The following PPP2R5C variants were observed in gnomAD, a reference collection of about 807,000 sequenced individuals.
PPP2R5C encodes serine/threonine-protein phosphatase 2A 56 kDa regulatory subunit gamma isoform.
Under a neutral mutation model 68.9 loss-of-function variants are expected in PPP2R5C, and 7 were observed. The ratio of observed to expected loss-of-function variants is 0.10; its 90% CI spans 0.06 to 0.19. The LOEUF (loss-of-function observed/expected upper bound fraction) is 0.19. Ranked by LOEUF, PPP2R5C falls within the 10% of genes least tolerant of loss-of-function variation. The pLI is 1.00. For synonymous variants in PPP2R5C, 210 were observed against 222.2 expected, an observed-to-expected ratio of 0.95 and a Z score of 0.49; for missense variants, 348 against 641.3, an observed-to-expected ratio of 0.54 and a Z score of 4.94.
At chr14:101,775,377 A>T (rs552473193) in intron 2 of PPP2R5C, among the ~76,000 whole-genome samples, 1 of 152,266 alleles carries the variant, frequency 6.6e-6, no homozygotes, top group East Asian at 1.9e-4. Context: ...GTTTCCATGA[A>T]ATATTTCAAA....
Position 101,882,121 on chromosome 14 carries a change from T to A in PPP2R5C, c.295-40T>A. ...TATAAAATGTTGTCTGTAAATATTT[T>A]AAATGCCCTGATTGTAATTATAGAA... is the stretch of plus-strand genomic sequence containing the variant. On this transcript the variant is annotated intron_variant, in intron 2 of 13. Transcript: ENST00000334743. This position sits in a 1 kb window ranked among gnomAD's most constrained non-coding sequence, Gnocchi z 4.9. 7 of 1,462,006 alleles carry A rather than the reference T, an allele frequency of 4.8e-6. No individual in the cohort carries two copies. The highest frequency in any genetic ancestry group is 6.5e-6 in the Non-Finnish European group (7 of 1,075,314). 90.6% of individuals were successfully genotyped at this position (1,462,006 alleles called of 1,614,324 possible). A position where few individuals can be genotyped will look rare whatever the true frequency, so the allele number is the denominator to read the frequency against.
At chr14:101,922,238 C>T in intron 13 of PPP2R5C, 1 of 969,580 alleles carries the variant, frequency 1.0e-6, no homozygotes, top group Non-Finnish European at 1.2e-6. Context: ...CCTGTAATCC[C>T]AGCACTTTGG....
Position 101,917,678 on chromosome 14 carries a change from T to G in PPP2R5C, c.1327-153T>G. 1.1e-6 allele frequency: 1 copy of G among 929,722 alleles called. No homozygotes were observed. The highest frequency in any genetic ancestry group is 1.6e-6 in the Non-Finnish European group (1 of 622,648). 57.6% of individuals were successfully genotyped at this position (929,722 alleles called of 1,614,324 possible). A position where few individuals can be genotyped will look rare whatever the true frequency, so the allele number is the denominator to read the frequency against. ...GTTTCAGAAGTCAGCAGCCGCATCA[T>G]GTTGCAGGTGTAGGCGAGTCTCCCA... On this transcript the variant is annotated intron_variant, in intron 12 of 13. Coordinates refer to ENST00000334743, the Ensembl canonical transcript of PPP2R5C. The surrounding 1 kb of genome is among the most constrained non-coding windows in gnomAD (Gnocchi z 4.4).
At chr14:101,791,554 G>A (rs1251629308) in intron 3 of PPP2R5C, among the ~76,000 whole-genome samples, 7 of 152,022 alleles carry the variant, frequency 4.6e-5, no homozygotes, top group South Asian at 2.1e-4. Context: ...AAGTTGATAC[G>A]AAAGTTTTGA....
In PPP2R5C at chr14:101,819,209, TC is replaced by T. The variant is rs67328576; in HGVS notation, c.94+9174del. The stretch of plus-strand genomic sequence containing the variant: ...AGCTTTATGTAATTGGTCAGACTTC[TC>T]AAAGGGGGGTAGCACTTGATAATCG... On this transcript the variant is annotated intron_variant, in intron 1 of 13. Coordinates refer to ENST00000334743, the Ensembl canonical transcript of PPP2R5C. 1.4e-3 allele frequency: 1,133 copies of T among 806,508 alleles called. 9 individuals carry two copies. The African/African-American group carries it at 0.017, about 12-fold the overall frequency. The allele number at this position is 806,508 out of a possible 1,614,324, so 50.0% of individuals were successfully genotyped here. A position where few individuals can be genotyped will look rare whatever the true frequency, so the allele number is the denominator to read the frequency against.
chr14:101,882,368 C>A lies in PPP2R5C; in HGVS notation c.405+97C>A. 2 of 807,838 alleles carry A rather than the reference C, an allele frequency of 2.5e-6. No individual in the cohort carries two copies. Among genetic ancestry groups the A allele is most frequent in the Non-Finnish European group, 3.9e-6 (2 of 518,998 alleles). 50.0% of individuals were successfully genotyped at this position (807,838 alleles called of 1,614,324 possible). A position where few individuals can be genotyped will look rare whatever the true frequency, so the allele number is the denominator to read the frequency against. On this transcript the variant is annotated intron_variant, in intron 3 of 13. Coordinates refer to ENST00000334743, the Ensembl canonical transcript of PPP2R5C. The surrounding 1 kb of genome is among the most constrained non-coding windows in gnomAD (Gnocchi z 4.9). ...GGCGCACTGGTCTGGCCAGATGGAC[C>A]TCTCCTCCTCAGTAGCATGGGCCTC...
At chr14:101,860,284 A>G (rs1475975253) in intron 2 of PPP2R5C, among the ~76,000 whole-genome samples, 2 of 152,194 alleles carry the variant, frequency 1.3e-5, no homozygotes, top group African/African-American at 4.8e-5. Context: ...ATTTCATGTA[A>G]GTGGAATTAC....
intron 1 of PPP2R5C, among the ~76,000 whole-genome samples, chr14:101,838,842 G>A (rs1050758418): frequency 6.6e-6 from 1 of 152,134 alleles, no homozygotes; most frequent in Admixed American, 6.5e-5. Context: ...TCAGGAGTTT[G>A]AGACCAGCCT....
At chr14:101,818,138 T>G (rs2039831666) in intron 1 of PPP2R5C, 1 of 152,210 alleles carries the variant, frequency 6.6e-6, no homozygotes, top group South Asian at 2.1e-4. Context: ...TATAGTTACC[T>G]GCTAAGATGG....
At chr14:101,814,849 A>G (rs1423123894) in intron 1 of PPP2R5C, among the ~76,000 whole-genome samples, 1 of 152,188 alleles carries the variant, frequency 6.6e-6, no homozygotes, top group Non-Finnish European at 1.5e-5. Context: ...AATTGTGACA[A>G]GCTGTTGTGA....
chr14:101,821,448 GGTGGGTGT>G (rs2040059767), intron 1 of PPP2R5C, among the ~76,000 whole-genome samples: 1 of 58,816 alleles, frequency 1.7e-5, no homozygotes, highest in African/African-American at 4.5e-5. Context: ...GGGGTGGGTG[GGTGGGTGT>G]GTGTGTGTGT....
At chr14:101,909,176 G>C (rs1343623635) in intron 10 of PPP2R5C, among the ~76,000 whole-genome samples, 1 of 152,140 alleles carries the variant, frequency 6.6e-6, no homozygotes, top group Non-Finnish European at 1.5e-5. Flanking sequence ...GCTCTGTGTT[G>C]CCATTATTAA....
At chr14:101,862,816 ATTTTTTTT>A (rs71116853) in intron 2 of PPP2R5C, among the ~76,000 whole-genome samples, 1 of 127,238 alleles carries the variant, frequency 7.9e-6, no homozygotes, top group Non-Finnish European at 1.7e-5. Flanking sequence ...GACATGATGG[ATTTTTTTT>A]TTTTTTTTTT....
intron 3 of PPP2R5C, among the ~76,000 whole-genome samples, chr14:101,801,870 T>C (rs2140141805): frequency 6.6e-6 from 1 of 152,302 alleles, no homozygotes; most frequent in Admixed American, 6.5e-5. Context: ...ATCAAAGAGA[T>C]AAGCATAGCC....
intron 3 of PPP2R5C, among the ~76,000 whole-genome samples, chr14:101,786,988 G>A (rs907785783): frequency 7.2e-5 from 11 of 152,086 alleles, no homozygotes; most frequent in South Asian, 2.1e-4. Flanking sequence ...CCAGTGGCTC[G>A]CGCTTATAAT....
chr14:101,919,969 C>CCAAAAAAAA (rs775818748), intron 13 of PPP2R5C, among the ~76,000 whole-genome samples: 2 of 52,882 alleles, frequency 3.8e-5, no homozygotes, highest in East Asian at 6.0e-4. Flanking sequence ...AACTCCGTCT[C>CCAAAAAAAA]AAAAAAAAAA....
intron 1 of PPP2R5C, among the ~76,000 whole-genome samples, chr14:101,855,049 A>C (rs1229512459): frequency 6.6e-6 from 1 of 152,152 alleles, no homozygotes; most frequent in Non-Finnish European, 1.5e-5. Flanking sequence ...GCACATCTGT[A>C]GTCCCAATTA....
chr14:101,838,372 T>A (rs372350411), intron 1 of PPP2R5C, among the ~76,000 whole-genome samples: 2 of 152,252 alleles, frequency 1.3e-5, no homozygotes, highest in African/African-American at 4.8e-5. Context: ...TTTCCATTCC[T>A]GATTTGTAGT....
At chr14:101,830,628 A>G (rs2040680138) in intron 1 of PPP2R5C, among the ~76,000 whole-genome samples, 1 of 152,250 alleles carries the variant, frequency 6.6e-6, no homozygotes, top group Admixed American at 6.5e-5. Flanking sequence ...GATCATTTTA[A>G]GTACCACTCT....
Sources: gnomAD v4.1 joint callset for allele counts (sites outside exome capture counted in the v4.1 genomes callset) on GRCh38, gnomAD v4.1.1 for gene constraint, Gnocchi (gnomAD v3.1) non-coding constraint, MANE v1.5 for transcripts, NCBI Gene and HGNC (gene_info 2026-07-23, HGNC 2026-07-21) for gene names.